The following RAPGEF2 variants were observed in gnomAD, a reference collection of about 807,000 sequenced individuals.
RAPGEF2 encodes PDZ domain containing guanine nucleotide exchange factor (GEF) 1.
RAPGEF2 carries 54 observed loss-of-function variants against 186.7 expected under a neutral mutation model. The ratio of observed to expected loss-of-function variants is 0.29; its 90% CI spans 0.23 to 0.36. The LOEUF is 0.36. RAPGEF2 is among the 10% of genes least tolerant of loss of function. The pLI, the probability that RAPGEF2 is intolerant of heterozygous loss-of-function variation, is 1.00. For missense variants in RAPGEF2, 1,532 were observed against 2,045.0 expected (o/e 0.75, Z 4.84); for synonymous variants, 712 against 705.9 (o/e 1.01, Z -0.14).
In RAPGEF2 at chr4:159,295,720, AGTGTGTGT is replaced by A. The variant is rs71589223; in HGVS notation, c.544-8594_544-8587del. ...TAGCATAAGAGAGAGAGAGTGTGTG[AGTGTGTGT>A]GTGTGTGTGTGTGTGTGTGTGTGTG... On this transcript the variant is annotated intron_variant, in intron 7 of 29. Transcript: ENST00000691494. 7.1e-3 allele frequency among the ~76,000 whole-genome samples: 960 copies of A among 134,598 alleles called. 9 individuals carry two copies. The highest frequency in any genetic ancestry group is 0.011 in the Admixed American group (146 of 13,726). The allele number at this position is 134,598 out of a possible 152,430, so 88.3% of individuals were successfully genotyped here.
chr4:159,314,796 C>T (rs553485981), intron 9 of RAPGEF2, 28 bp downstream of exon 9: 90 of 1,546,120 alleles, frequency 5.8e-5, no homozygotes, highest in Middle Eastern at 1.7e-4. Flanking sequence ...AATGAATCTA[C>T]GAGCAATTAA....
intron 1 of RAPGEF2, among the ~76,000 whole-genome samples, chr4:159,170,843 C>A (rs551736724): frequency 7.3e-6 from 1 of 136,512 alleles, no homozygotes; most frequent in African/African-American, 2.6e-5. Context: ...CCAGGTCTTA[C>A]GTTTAAGTCT....
At chr4:159,281,308 G>A (rs1407154976) in intron 7 of RAPGEF2, among the ~76,000 whole-genome samples, 1 of 151,912 alleles carries the variant, frequency 6.6e-6, no homozygotes, top group Non-Finnish European at 1.5e-5. Context: ...ACTTCTTAAA[G>A]TTATTGATTT....
chr4:159,209,455 C>G (rs1561088838), intron 3 of RAPGEF2, among the ~76,000 whole-genome samples: 1 of 152,238 alleles, frequency 6.6e-6, no homozygotes, highest in Non-Finnish European at 1.5e-5. Flanking sequence ...TCCTCCCTGC[C>G]TGTTGCCTGG....
At chr4:159,130,032 C>T (rs1289322938) in intron 1 of RAPGEF2, among the ~76,000 whole-genome samples, 1 of 152,170 alleles carries the variant, frequency 6.6e-6, no homozygotes, top group Admixed American at 6.5e-5. Flanking sequence ...GTGTTCCTCC[C>T]TATTTTAGAC....
At chr4:159,223,981 C>T (rs1293280488) in intron 4 of RAPGEF2, among the ~76,000 whole-genome samples, 1 of 152,094 alleles carries the variant, frequency 6.6e-6, no homozygotes, top group East Asian at 1.9e-4. Context: ...TCACTGCAAC[C>T]TCCACCTCTC....
rs79415705 is a variant in RAPGEF2, at chr4:159,296,999, A to G, written c.544-7343A>G. On this transcript the variant is annotated intron_variant, in intron 7 of 29. Transcript: ENST00000691494. ...ATTTATTTTCCTCATCGGGGTCCCA[A>G]GTGTATTTAAATTGTCCCCATTTCA... Among the ~76,000 whole-genome samples, 1,258 of 152,320 alleles carry G rather than the reference A, an allele frequency of 8.3e-3. 15 individuals carry two copies. Among genetic ancestry groups the G allele is most frequent in the African/African-American group, 0.028 (1,175 of 41,558 alleles).
At chr4:159,350,392 T>C in intron 26 of RAPGEF2, 103 bp downstream of exon 26, 1 of 1,004,292 alleles carries the variant, frequency 1.0e-6, no homozygotes, top group Non-Finnish European at 1.3e-6. Context: ...ATTATAGTCA[T>C]TTAAGATGAG....
At chr4:159,214,207 G>A (rs1203880652) in intron 4 of RAPGEF2, among the ~76,000 whole-genome samples, 2 of 152,196 alleles carry the variant, frequency 1.3e-5, no homozygotes, top group Non-Finnish European at 2.9e-5. Context: ...ATCTATGAGT[G>A]AAGCAATTGT....
intron 1 of RAPGEF2, among the ~76,000 whole-genome samples, chr4:159,166,971 C>G (rs1200501120): frequency 6.6e-6 from 1 of 152,094 alleles, no homozygotes; most frequent in Non-Finnish European, 1.5e-5. Context: ...CATATTACAG[C>G]AGGGTAGGGC....
At chr4:159,135,783 G>C (rs1353767014) in intron 1 of RAPGEF2, among the ~76,000 whole-genome samples, 1 of 152,038 alleles carries the variant, frequency 6.6e-6, no homozygotes, top group African/African-American at 2.4e-5. Context: ...TATTTTTAGA[G>C]AGATGGGGTT....
At chr4:159,199,386 C>T (rs1029387937) in intron 3 of RAPGEF2, among the ~76,000 whole-genome samples, 2 of 151,774 alleles carry the variant, frequency 1.3e-5, no homozygotes, top group African/African-American at 4.8e-5. Context: ...AATCCATAAT[C>T]TTCATGAGGG....
intron 3 of RAPGEF2, among the ~76,000 whole-genome samples, chr4:159,196,403 C>T (rs1748656793): frequency 1.3e-5 from 2 of 152,086 alleles, no homozygotes; most frequent in African/African-American, 4.8e-5. Context: ...ACAGTGTAGT[C>T]AGAAATATCA....
At chr4:159,250,662 CTTCTTTTTT>C (rs1419573931) in intron 7 of RAPGEF2, among the ~76,000 whole-genome samples, 2 of 125,930 alleles carry the variant, frequency 1.6e-5, no homozygotes, top group African/African-American at 6.9e-5. Context: ...TATTAGCACT[CTTCTTTTTT>C]TTTTTTTTTT....
At chr4:159,304,509 T>G in intron 8 of RAPGEF2, 36 bp downstream of exon 8, 1 of 1,561,794 alleles carries the variant, frequency 6.4e-7, no homozygotes, top group Non-Finnish European at 8.8e-7. Flanking sequence ...TGCTTCATTT[T>G]CATTTATTCC....
chr4:159,266,588 ACCTGGGTAGGTTAATTTTTTATAT>A (rs1216835884), intron 7 of RAPGEF2, among the ~76,000 whole-genome samples: 1 of 152,184 alleles, frequency 6.6e-6, no homozygotes, highest in African/African-American at 2.4e-5. Context: ...TAAAAAAAAA[ACCTGGGTAGGTTAATTTTTTATAT>A]TATTTGCAAG....
At chr4:159,304,690 TC>T (rs147134832) in intron 8 of RAPGEF2, among the ~76,000 whole-genome samples, 1,676 of 152,282 alleles carry the variant, frequency 0.011, 14 homozygotes, top group East Asian at 0.034. Flanking sequence ...ATCAAAGTGT[TC>T]CTTTTTTTAT....
Position 159,267,931 on chromosome 4 carries a change from T to A in RAPGEF2, c.543+24140T>A, listed in dbSNP as rs1311339560. The A allele has an allele frequency of 6.9e-6, 9 of 1,303,172 alleles. No individual in the cohort carries two copies. In the East Asian group the frequency reaches 2.8e-4, roughly 40 times the overall value. The allele number at this position is 1,303,172 out of a possible 1,614,324, so 80.7% of individuals were successfully genotyped here. Reference sequence around the variant, plus strand: ...GCCTAGGATGGTTAGAGTTTCAATGTTATAAAAATGGAGACGAACACTGTT... The same window carrying A: ...GCCTAGGATGGTTAGAGTTTCAATGATATAAAAATGGAGACGAACACTGTT... On this transcript the variant is annotated intron_variant, in intron 7 of 29. Coordinates refer to ENST00000691494, the MANE Select transcript of RAPGEF2 (RefSeq NM_001394067.2).
chr4:159,318,966 G>C (rs1764925194), intron 9 of RAPGEF2, among the ~76,000 whole-genome samples: 1 of 152,128 alleles, frequency 6.6e-6, no homozygotes, highest in Non-Finnish European at 1.5e-5. Flanking sequence ...TAATAGGTAA[G>C]TGTATAATTC....
Sources: gnomAD v4.1 joint callset for allele counts (sites outside exome capture counted in the v4.1 genomes callset) on GRCh38, gnomAD v4.1.1 for gene constraint, MANE v1.5 for transcripts, NCBI Gene and HGNC (gene_info 2026-07-23, HGNC 2026-07-21) for gene names.